Variants in TENM3 observed in about 807,000 individuals in gnomAD.
The protein encoded by TENM3 is teneurin transmembrane protein 3, also known as teneurin-3.
A neutral mutation model predicts 255.1 loss-of-function variants in TENM3; 63 were observed. The ratio of observed to expected loss-of-function variants is 0.25; its 90% CI spans 0.20 to 0.30. The LOEUF is 0.30. Ranked by LOEUF, TENM3 falls within the 10% of genes least tolerant of loss-of-function variation. TENM3 has a pLI of 1.00. For synonymous variants in TENM3, 1,306 were observed against 1,322.3 expected, an observed-to-expected ratio of 0.99 and a Z score of 0.27; for missense variants, 2,929 against 3,461.1, an observed-to-expected ratio of 0.85 and a Z score of 3.86.
At chr4:181,655,761 CAA>C in the TENM3 span, among the ~76,000 whole-genome samples, 1 of 152,038 alleles carries the variant, frequency 6.6e-6, no homozygotes. Flanking sequence ...AAAGAAGAAA[CAA>C]AATATGCAAA....
chr4:182,450,545 T>C (rs186148455), intron 3 of TENM3, among the ~76,000 whole-genome samples: 115 of 152,334 alleles, frequency 7.5e-4, no homozygotes, highest in Non-Finnish European at 1.3e-3. Flanking sequence ...ATTTACACAA[T>C]GTGATGATGA....
chr4:181,483,120 G>A, the TENM3 span, among the ~76,000 whole-genome samples: 1 of 152,008 alleles, frequency 6.6e-6, no homozygotes, highest in South Asian at 2.1e-4. Context: ...AAGAATTTGG[G>A]GCTTTCTACT....
chr4:181,725,717 C>A, the TENM3 span, among the ~76,000 whole-genome samples: 14 of 152,110 alleles, frequency 9.2e-5, no homozygotes, highest in Non-Finnish European at 1.8e-4. Context: ...GCAGGGATTA[C>A]AGGCGTGAAC....
chr4:181,828,303 G>C, the TENM3 span, among the ~76,000 whole-genome samples: 1 of 152,202 alleles, frequency 6.6e-6, no homozygotes, highest in African/African-American at 2.4e-5. Context: ...CAGGCCAAAG[G>C]CTTCCACACC....
the TENM3 span, among the ~76,000 whole-genome samples, chr4:181,454,559 A>C: frequency 6.8e-6 from 1 of 147,576 alleles, no homozygotes; most frequent in African/African-American, 2.5e-5. Flanking sequence ...CAGTACTGTA[A>C]GCTCCATTCC....
chr4:182,663,761 G>A (rs1465853934), intron 6 of TENM3, among the ~76,000 whole-genome samples: 14 of 152,080 alleles, frequency 9.2e-5, no homozygotes, highest in Admixed American at 9.2e-4. Context: ...AAATCACATT[G>A]TGATCTATTT....
At chr4:182,084,101 T>C in the TENM3 span, among the ~76,000 whole-genome samples, 2 of 152,180 alleles carry the variant, frequency 1.3e-5, no homozygotes, top group African/African-American at 4.8e-5. Context: ...AAATAAATTA[T>C]TTGCCGTGAT....
chr4:181,916,832 C>T, the TENM3 span, among the ~76,000 whole-genome samples: 80 of 152,006 alleles, frequency 5.3e-4, no homozygotes, highest in Middle Eastern at 6.8e-3. Flanking sequence ...GCCGGGATCG[C>T]GCCACTGCAA....
At chr4:181,513,356 G>T in the TENM3 span, among the ~76,000 whole-genome samples, 1 of 152,100 alleles carries the variant, frequency 6.6e-6, no homozygotes, top group Non-Finnish European at 1.5e-5. Flanking sequence ...AATTTCTGTA[G>T]AAATTATATA....
intron 3 of TENM3, among the ~76,000 whole-genome samples, chr4:182,395,229 T>G (rs1361477179): frequency 6.6e-6 from 1 of 152,074 alleles, no homozygotes; most frequent in African/African-American, 2.4e-5. Flanking sequence ...ATTTTAGGAG[T>G]AACATTGAGC....
intron 3 of TENM3, among the ~76,000 whole-genome samples, chr4:182,526,872 GTCTTGAGGCTGTA>G (rs771001320): frequency 1.2e-4 from 19 of 152,240 alleles, no homozygotes; most frequent in Middle Eastern, 3.4e-3. Context: ...TGTGATGATA[GTCTTGAGGCTGTA>G]TTCACTACTA....
At chr4:181,993,684 C>T in the TENM3 span, among the ~76,000 whole-genome samples, 355 of 152,150 alleles carry the variant, frequency 2.3e-3, 1 homozygote, top group African/African-American at 8.2e-3. Flanking sequence ...ATGTCCTATG[C>T]CTCAAACTTT....
Position 182,641,727 on chromosome 4 carries a change from A to G in TENM3, c.989-12044A>G, listed in dbSNP as rs554973958. Among the ~76,000 whole-genome samples, 23 of 152,248 alleles carry G rather than the reference A, an allele frequency of 1.5e-4. No individual in the cohort carries two copies. In the East Asian group the frequency reaches 1.9e-3, roughly 13 times the overall value. ...ATTGTAGCAGAGGCGGCGTTTTGCC[A>G]TGTTGGTCAAGCTGGTCTCAAACTC... On this transcript the variant is annotated intron_variant, in intron 5 of 27. Transcript: ENST00000511685.
At chr4:181,673,020 C>G in the TENM3 span, among the ~76,000 whole-genome samples, 1 of 152,134 alleles carries the variant, frequency 6.6e-6, no homozygotes, top group South Asian at 2.1e-4. Context: ...CTTCATATCA[C>G]AGATAAGGAC....
At chr4:181,531,816 C>T in the TENM3 span, among the ~76,000 whole-genome samples, 1 of 152,186 alleles carries the variant, frequency 6.6e-6, no homozygotes, top group African/African-American at 2.4e-5. Context: ...TGAGGCACTG[C>T]TGCTTAAGCA....
chr4:182,634,853 C>T (rs1485958565), intron 5 of TENM3, among the ~76,000 whole-genome samples: 1 of 152,098 alleles, frequency 6.6e-6, no homozygotes, highest in East Asian at 1.9e-4. Flanking sequence ...TCACAGAAAG[C>T]TCTTTTTTCT....
intron 1 of TENM3, among the ~76,000 whole-genome samples, chr4:182,253,320 A>T (rs1194344797): frequency 3.1e-4 from 47 of 152,260 alleles, no homozygotes; most frequent in Non-Finnish European, 3.8e-4. Context: ...AAAAATACAA[A>T]GAGTTATCCG....
intron 13 of TENM3, among the ~76,000 whole-genome samples, chr4:182,719,325 G>C (rs1481474941): frequency 1.5e-5 from 2 of 133,646 alleles, no homozygotes; most frequent in African/African-American, 5.8e-5. Context: ...GCAATGGCGT[G>C]GTCTCGGCTC....
the TENM3 span, among the ~76,000 whole-genome samples, chr4:182,002,914 C>A: frequency 4.4e-3 from 670 of 152,150 alleles, 5 homozygotes; most frequent in African/African-American, 0.014. Flanking sequence ...AAGCTCAAAT[C>A]GGCCTTGACT....
Sources: gnomAD v4.1 joint callset for allele counts (sites outside exome capture counted in the v4.1 genomes callset) on GRCh38, gnomAD v4.1.1 for gene constraint, MANE v1.5 for transcripts, NCBI Gene and HGNC (gene_info 2026-07-23, HGNC 2026-07-21) for gene names.